AUNIP: variants seen among roughly 807,000 people sequenced by gnomAD.
AUNIP encodes the protein aurora kinase A and ninein interacting protein.
A neutral mutation model predicts 12.2 loss-of-function variants in AUNIP; 16 were observed. The ratio of observed to expected loss-of-function variants is 1.31; its 90% CI spans 0.88 to 1.99. The LOEUF (loss-of-function observed/expected upper bound fraction) is 1.99. AUNIP is among the 30% of genes most tolerant of loss of function. AUNIP has a pLI of 0.00. For synonymous variants in AUNIP, 142 were observed against 154.8 expected (o/e 0.92, Z 0.61); for missense variants, 411 against 419.1 (o/e 0.98, Z 0.17).
chr1:25,845,865 A>C (rs908248612), intron 1 of AUNIP, among the ~76,000 whole-genome samples: 1 of 152,176 alleles, frequency 6.6e-6, no homozygotes, highest in Non-Finnish European at 1.5e-5. Context: ...CTGTCACTAT[A>C]ATTGATGTCA....
chr1:25,833,318 G>A (rs1225433190), downstream of AUNIP, among the ~76,000 whole-genome samples: 1 of 151,800 alleles, frequency 6.6e-6, no homozygotes, highest in African/African-American at 2.4e-5. Flanking sequence ...GTCTTGCTAT[G>A]TTGCCCAGGC....
At chr1:25,841,769 C>G (rs1572262253) in intron 1 of AUNIP, among the ~76,000 whole-genome samples, 1 of 152,096 alleles carries the variant, frequency 6.6e-6, no homozygotes, top group African/African-American at 2.4e-5. Context: ...CGTGATCCGC[C>G]CGCCTCGGCC....
intron 1 of AUNIP, among the ~76,000 whole-genome samples, chr1:25,848,979 A>T (rs548025593): frequency 6.6e-6 from 1 of 152,352 alleles, no homozygotes; most frequent in Non-Finnish European, 1.5e-5. Flanking sequence ...CTGTAACCAT[A>T]ACAGCTTTCA....
intron 1 of AUNIP, among the ~76,000 whole-genome samples, chr1:25,854,819 G>A (rs1019354435): frequency 6.6e-6 from 1 of 152,142 alleles, no homozygotes; most frequent in Non-Finnish European, 1.5e-5. Context: ...TTGGCAAAAG[G>A]CCTCAGCTCC....
At chr1:25,857,896 A>C (rs2048475647) in intron 1 of AUNIP, among the ~76,000 whole-genome samples, 1 of 151,584 alleles carries the variant, frequency 6.6e-6, no homozygotes, top group African/African-American at 2.4e-5. Context: ...TGCCGGGCGC[A>C]GTGGCTCACG....
At chr1:25,848,289 T>C (rs1172036513) in intron 1 of AUNIP, among the ~76,000 whole-genome samples, 3 of 151,908 alleles carry the variant, frequency 2.0e-5, no homozygotes, top group Non-Finnish European at 4.4e-5. Flanking sequence ...GTGCCTGTAA[T>C]CCCAACACAG....
intron 1 of AUNIP, among the ~76,000 whole-genome samples, chr1:25,858,169 AAAATAATAATAAT>A (rs1283921690): frequency 6.6e-6 from 1 of 152,152 alleles, no homozygotes; most frequent in Non-Finnish European, 1.5e-5. Context: ...TCCATCTCAA[AAAATAATAATAAT>A]AAATAATAAT....
intron 1 of AUNIP, among the ~76,000 whole-genome samples, chr1:25,855,573 G>A (rs1049475706): frequency 6.6e-6 from 1 of 152,130 alleles, no homozygotes; most frequent in African/African-American, 2.4e-5. Flanking sequence ...TTCAAATTAG[G>A]AGAGAAGCAA....
intron 1 of AUNIP, among the ~76,000 whole-genome samples, chr1:25,853,594 C>T (rs1009280124): frequency 5.3e-5 from 8 of 151,992 alleles, no homozygotes; most frequent in South Asian, 2.1e-4. Flanking sequence ...AACTCTGTCT[C>T]AAAAAACAAA....
At chr1:25,835,976 T>C in intron 2 of AUNIP, 130 bp from the exon 3 acceptor site, 1 of 1,361,420 alleles carries the variant, frequency 7.3e-7, no homozygotes, top group Non-Finnish European at 9.8e-7. Flanking sequence ...ACTCTTCACA[T>C]AACTTTGTAG....
intron 1 of AUNIP, among the ~76,000 whole-genome samples, chr1:25,844,695 G>T (rs1246963436): frequency 1.3e-5 from 2 of 150,250 alleles, no homozygotes; most frequent in South Asian, 4.2e-4. Flanking sequence ...TCTTAAATTT[G>T]TATATGAAGT....
chr1:25,835,511 C>T lies in AUNIP; in HGVS notation c.556G>A (p.Asp186Asn), dbSNP rs1319349101. 1 of 1,614,210 alleles carries T rather than the reference C, an allele frequency of 6.2e-7. No individual in the cohort carries two copies. Among genetic ancestry groups the T allele is most frequent in the Non-Finnish European group, 8.5e-7 (1 of 1,180,044 alleles). Residue 186 changes from aspartate to asparagine, a missense_variant, in exon 3 of 3, where the codon GAC becomes AAC. Transcript: ENST00000374298. ...TEDLESSCLL[D>N]RKEEKGDSAR... ...GAATCCCCTTTTTCTTCCTTTCGGT[C>T]TAGCAAACAAGAACTTTCCAAGTCC... is the stretch of plus-strand genomic sequence containing the variant.
At chr1:25,849,291 C>G (rs987965001) in intron 1 of AUNIP, among the ~76,000 whole-genome samples, 1 of 152,100 alleles carries the variant, frequency 6.6e-6, no homozygotes, top group African/African-American at 2.4e-5. Flanking sequence ...TAAAATTTGC[C>G]CATTTAAGTA....
intron 1 of AUNIP, among the ~76,000 whole-genome samples, chr1:25,852,447 G>GTTT (rs1557455687): frequency 6.9e-6 from 1 of 144,632 alleles, no homozygotes; most frequent in Non-Finnish European, 1.5e-5. Context: ...GATTATTTAA[G>GTTT]GTTTTTTTTT....
intron 1 of AUNIP, among the ~76,000 whole-genome samples, chr1:25,844,395 G>A (rs138236517): frequency 6.4e-4 from 98 of 152,200 alleles, no homozygotes; most frequent in African/African-American, 2.3e-3. Flanking sequence ...CATTGTGCCC[G>A]GCCAAGTGTG....
chr1:25,831,973 C>A, downstream of AUNIP: 1 of 1,614,110 alleles, frequency 6.2e-7, no homozygotes. Context: ...CTCTGAGGTC[C>A]TAAGGAGGAA....
chr1:25,836,752 A>G (rs1490608227), intron 2 of AUNIP, among the ~76,000 whole-genome samples: 1 of 152,192 alleles, frequency 6.6e-6, no homozygotes, highest in Non-Finnish European at 1.5e-5. Context: ...CTGCCCTTAC[A>G]TAAAGCAAAA....
chr1:25,835,708 G>A lies in AUNIP; in HGVS notation c.359C>T (p.Ala120Val). 6 of 1,614,210 alleles carry A rather than the reference G, an allele frequency of 3.7e-6. No individual in the cohort carries two copies. The highest frequency in any genetic ancestry group is 4.2e-6 in the Non-Finnish European group (5 of 1,180,040). ...LAHDCMASPL[A>V]TSTTADIQEA... The stretch of plus-strand genomic sequence containing the variant: ...CTGGATGTCTGCAGTGGTTGAAGTG[G>A]CTAAAGGGGATGCCATGCAATCGTG... The change falls in exon 3 of 3, where the codon GCC (alanine) becomes GTC (valine). Residue 120 changes from alanine to valine, a missense_variant. Ala to Val is a moderately conservative substitution (Grantham distance 64). Coordinates refer to ENST00000374298, the MANE Select transcript of AUNIP (RefSeq NM_024037.3).
At chr1:25,850,916 C>T (rs180990084) in intron 1 of AUNIP, among the ~76,000 whole-genome samples, 38 of 152,266 alleles carry the variant, frequency 2.5e-4, no homozygotes, top group Middle Eastern at 3.4e-3. Context: ...CATAAAATCT[C>T]TAGTGCAATG....
Sources: gnomAD v4.1 joint callset for allele counts (sites outside exome capture counted in the v4.1 genomes callset) on GRCh38, gnomAD v4.1.1 for gene constraint, MANE v1.5 for transcripts, NCBI Gene and HGNC (gene_info 2026-07-23, HGNC 2026-07-21) for gene names.